Variants in RBMS1 observed in about 807,000 individuals in gnomAD.
The protein encoded by RBMS1 is RNA-binding motif, single-stranded-interacting protein 1.
RBMS1 carries 17 observed loss-of-function variants against 62.3 expected under a neutral mutation model. The observed-to-expected ratio is 0.27, with a 90% CI of 0.19 to 0.41. The LOEUF is 0.41. Ranked by LOEUF, RBMS1 falls within the 10% of genes least tolerant of loss-of-function variation. RBMS1 has a pLI of 1.00. For synonymous variants in RBMS1, 172 were observed against 170.0 expected, an observed-to-expected ratio of 1.01 and a Z score of -0.09; for missense variants, 334 against 504.5, an observed-to-expected ratio of 0.66 and a Z score of 3.24.
chr2:160,294,651 C>G (rs925825721), intron 6 of RBMS1, among the ~76,000 whole-genome samples: 4 of 152,132 alleles, frequency 2.6e-5, no homozygotes, highest in African/African-American at 9.7e-5. Context: ...GTACTTGGCT[C>G]CAATGTCATG....
At chr2:160,404,147 A>G (rs940114828) in intron 1 of RBMS1, among the ~76,000 whole-genome samples, 1 of 152,176 alleles carries the variant, frequency 6.6e-6, no homozygotes, top group Admixed American at 6.5e-5. Context: ...GACTTGAACC[A>G]ATCATCTTTA....
intron 1 of RBMS1, among the ~76,000 whole-genome samples, chr2:160,460,748 G>A (rs1257451443): frequency 6.6e-6 from 1 of 152,070 alleles, no homozygotes; most frequent in African/African-American, 2.4e-5. Flanking sequence ...ATCTTATTCT[G>A]GTTTCACTAA....
At chr2:160,430,591 C>T (rs11674545) in intron 1 of RBMS1, among the ~76,000 whole-genome samples, 32,177 of 152,130 alleles carry the variant, frequency 0.21, 4,007 homozygotes, top group Admixed American at 0.37. Context: ...TACTTTCTCC[C>T]GTGCTTCTTT....
intron 1 of RBMS1, among the ~76,000 whole-genome samples, chr2:160,471,688 G>GGTGT (rs551305498): frequency 0.071 from 1,354 of 19,080 alleles, 26 homozygotes; most frequent in Admixed American, 0.11. Context: ...GAAATCCTTT[G>GGTGT]GTGTATATAT....
intron 2 of RBMS1, among the ~76,000 whole-genome samples, chr2:160,350,845 T>G (rs760274929): frequency 1.3e-5 from 2 of 152,172 alleles, no homozygotes; most frequent in Non-Finnish European, 2.9e-5. Context: ...GCAGCATGAT[T>G]TAGAATCCTT....
At chr2:160,362,011 T>A (rs1029006371) in intron 2 of RBMS1, among the ~76,000 whole-genome samples, 1 of 152,210 alleles carries the variant, frequency 6.6e-6, no homozygotes, top group Non-Finnish European at 1.5e-5. Flanking sequence ...CAATGAAGAT[T>A]GCTGCATCAA....
At chr2:160,489,385 A>C (rs1685728917) in intron 1 of RBMS1, among the ~76,000 whole-genome samples, 1 of 152,196 alleles carries the variant, frequency 6.6e-6, no homozygotes, top group Non-Finnish European at 1.5e-5. Flanking sequence ...TATGACACAA[A>C]GCGCCCCATG....
At chr2:160,451,579 T>TA (rs1318610335) in intron 1 of RBMS1, among the ~76,000 whole-genome samples, 2 of 152,152 alleles carry the variant, frequency 1.3e-5, no homozygotes, top group East Asian at 3.9e-4. Context: ...AATATAGAAA[T>TA]AAAACGTTTA....
At chr2:160,287,211 C>A in intron 6 of RBMS1, 127 bp from the exon 7 acceptor site, 1 of 1,203,792 alleles carries the variant, frequency 8.3e-7, no homozygotes, top group South Asian at 1.4e-5. Context: ...AAGGCAAAAG[C>A]AGTTTACTCA....
chr2:160,457,287 C>T (rs777424611), intron 1 of RBMS1, among the ~76,000 whole-genome samples: 3 of 152,192 alleles, frequency 2.0e-5, no homozygotes, highest in East Asian at 1.9e-4. Flanking sequence ...TGCACCACCA[C>T]GCCCAGCTAA....
intron 1 of RBMS1, among the ~76,000 whole-genome samples, chr2:160,395,261 T>A (rs1695073570): frequency 6.6e-6 from 1 of 152,226 alleles, no homozygotes; most frequent in Non-Finnish European, 1.5e-5. Context: ...CAACCTTTAA[T>A]AGAATCCGTG....
At chr2:160,362,984 CT>C (rs1000114261) in intron 2 of RBMS1, among the ~76,000 whole-genome samples, 1 of 152,166 alleles carries the variant, frequency 6.6e-6, no homozygotes, top group Non-Finnish European at 1.5e-5. Flanking sequence ...ATAAATTAAG[CT>C]TATTCTAGCA....
At chr2:160,276,332 ATAC>A (rs762410486) in intron 12 of RBMS1, among the ~76,000 whole-genome samples, 2 of 151,400 alleles carry the variant, frequency 1.3e-5, no homozygotes, top group African/African-American at 2.4e-5. Flanking sequence ...CAGAAGTAAA[ATAC>A]TACTACCACC....
rs373902997 is a variant in RBMS1 at position 160,393,235 on chromosome 2, T to G, written c.76-25844A>C. Among the ~76,000 whole-genome samples, 8 of 152,288 alleles carry G rather than the reference T, an allele frequency of 5.3e-5. No individual in the cohort carries two copies. In the East Asian group the frequency reaches 1.5e-3, roughly 29 times the overall value. On this transcript the variant is annotated intron_variant, in intron 1 of 13. Transcript: ENST00000348849. ...AAAAATGGTCAAAATTCAGGTAAAC[T>G]GTAGCATGTCAGCTGCAAATCAGAC...
intron 1 of RBMS1, among the ~76,000 whole-genome samples, chr2:160,440,439 G>C (rs555202586): frequency 6.6e-6 from 1 of 152,118 alleles, no homozygotes; most frequent in East Asian, 1.9e-4. Flanking sequence ...TTCATCCATC[G>C]TTTGACTCCC....
chr2:160,421,319 C>T (rs1696416648), intron 1 of RBMS1, among the ~76,000 whole-genome samples: 1 of 151,896 alleles, frequency 6.6e-6, no homozygotes, highest in African/African-American at 2.4e-5. Context: ...CACGACAGGC[C>T]CCGGTGTGTG....
chr2:160,480,158 CA>C lies in RBMS1; in HGVS notation c.75+13130del, dbSNP rs564859747. On this transcript the variant is annotated intron_variant, in intron 1 of 13. Transcript: ENST00000348849. ...TCATAAGGGATGTCAGAAAATCCTC[CA>C]AAAAAAACTAATTTTCAATTTATTA... 1.7e-4 allele frequency among the ~76,000 whole-genome samples: 25 copies of C among 151,346 alleles called. No homozygotes were observed. In the South Asian group the frequency reaches 4.0e-3, roughly 24 times the overall value.
intron 1 of RBMS1, among the ~76,000 whole-genome samples, chr2:160,443,336 T>C (rs1192179514): frequency 6.6e-6 from 1 of 151,924 alleles, no homozygotes; most frequent in African/African-American, 2.4e-5. Flanking sequence ...TCATGAAAGA[T>C]TTGAAAATCA....
At chr2:160,441,874 C>T (rs1032658953) in intron 1 of RBMS1, among the ~76,000 whole-genome samples, 2 of 152,156 alleles carry the variant, frequency 1.3e-5, no homozygotes, top group African/African-American at 4.8e-5. Flanking sequence ...GAAATGGCCT[C>T]GAATTATGGC....
Sources: gnomAD v4.1 joint callset for allele counts (sites outside exome capture counted in the v4.1 genomes callset) on GRCh38, gnomAD v4.1.1 for gene constraint, MANE v1.5 for transcripts, NCBI Gene and HGNC (gene_info 2026-07-23, HGNC 2026-07-21) for gene names.